The following KIF3C variants were observed in gnomAD, a reference collection of about 807,000 sequenced individuals.
KIF3C encodes the protein kinesin family member 3C.
KIF3C carries 12 observed loss-of-function variants against 67.7 expected under a neutral mutation model. The ratio of observed to expected loss-of-function variants is 0.18; its 90% CI spans 0.11 to 0.29. KIF3C has a LOEUF of 0.29. Among genes scored for constraint, KIF3C ranks in the 10% least tolerant of loss-of-function variants. The pLI, the probability that KIF3C is intolerant of heterozygous loss-of-function variation, is 1.00. For missense variants in KIF3C, 789 were observed against 1,059.6 expected, an observed-to-expected ratio of 0.74 and a Z score of 3.55; for synonymous variants, 393 against 426.2, an observed-to-expected ratio of 0.92 and a Z score of 0.96.
rs1291051153 is a variant in KIF3C at position 25,958,578 on chromosome 2, C to T, written c.1546-2134G>A. ...CCTGGGTGCCAGAGTGAGACTTCAT[C>T]ACAAAAAACAAAAAACAAAAAACAG... On this transcript the variant is annotated intron_variant, in intron 1 of 7. Transcript: ENST00000264712. This position sits in a 1 kb window ranked among gnomAD's most constrained non-coding sequence, Gnocchi z 4.5. Among the ~76,000 whole-genome samples the T allele has an allele frequency of 1.3e-5, 2 of 151,328 alleles. No homozygotes were observed. Among genetic ancestry groups the T allele is most frequent in the Non-Finnish European group, 3.0e-5 (2 of 67,784 alleles).
chr2:25,954,321 A>T lies in KIF3C; in HGVS notation c.1835T>A (p.Val612Glu). 3 of 1,614,020 alleles carry T rather than the reference A, an allele frequency of 1.9e-6. No homozygotes were observed. Among genetic ancestry groups the T allele is most frequent in the Non-Finnish European group, 2.5e-6 (3 of 1,180,004 alleles). ...CTGCGCCTCCTCCAGGTCCTGCCGC[A>T]CGCGGATATACTCATCATGCTGGTC... ...IQDQHDEYIR[V>E]RQDLEEAQNE... Residue 612 changes from valine (V) to glutamate (E), a missense_variant, in exon 4 of 8, where the codon GTG becomes GAG. Val to Glu is a moderately radical substitution (Grantham distance 121, BLOSUM62 -2). This residue lies in a region of KIF3C where 648 missense variants were observed against 807.8 expected (regional missense o/e 0.80). Transcript: ENST00000264712.
chr2:25,962,751 T>C (rs1212904488), intron 1 of KIF3C, among the ~76,000 whole-genome samples: 1 of 113,628 alleles, frequency 8.8e-6, no homozygotes, highest in Non-Finnish European at 1.7e-5. Context: ...AATATATATA[T>C]AATATAATAT....
At position 25,980,924 on chromosome 2, in the gene KIF3C, C is replaced by A; in HGVS notation, c.994G>T (p.Gly332Trp). The A allele has an allele frequency of 6.2e-7, 1 of 1,614,212 alleles. No homozygotes were observed. Among genetic ancestry groups the A allele is most frequent in the Non-Finnish European group, 8.5e-7 (1 of 1,180,036 alleles). ...GCTACCATGATGGTCTTGGCATTCC[C>A]CCCCAGGGAGTCCTGGAGCAGCCGG... ...LTRLLQDSLGGNAKTIMVATL... is the reference protein window; with the variant it reads ...LTRLLQDSLGWNAKTIMVATL... The change falls in exon 1 of 8, where the codon GGG becomes TGG. Residue 332 changes from glycine (G) to tryptophan (W), a missense_variant. Transcript: ENST00000264712. The surrounding 1 kb of genome is among the most constrained non-coding windows in gnomAD (Gnocchi z 7.6).
chr2:25,962,873 TATATAAAATATATATA>T (rs58758641), intron 1 of KIF3C, among the ~76,000 whole-genome samples: 932 of 67,686 alleles, frequency 0.014, 50 homozygotes, highest in Non-Finnish European at 0.018. Flanking sequence ...ATATATATAA[TATATAAAATATATATA>T]ATATAAAATA....
intron 5 of KIF3C, among the ~76,000 whole-genome samples, chr2:25,944,931 G>C (rs1663390297): frequency 6.6e-6 from 1 of 152,024 alleles, no homozygotes; most frequent in Non-Finnish European, 1.5e-5. Flanking sequence ...AGGAGTTCAA[G>C]ATCAGCCTGG....
intron 1 of KIF3C, among the ~76,000 whole-genome samples, chr2:25,963,850 A>C (rs563906625): frequency 1.3e-5 from 2 of 151,624 alleles, no homozygotes; most frequent in South Asian, 4.2e-4. Context: ...GTACCACCAC[A>C]CCTGGCTAAT....
In KIF3C at chr2:25,955,714, G is replaced by A. The variant is rs1258053880; in HGVS notation, c.1648-51C>T. 3.1e-6 allele frequency: 5 copies of A among 1,603,636 alleles called. No homozygotes were observed. The highest frequency in any genetic ancestry group is 2.2e-5 in the South Asian group (2 of 90,178). The stretch of plus-strand genomic sequence containing the variant: ...TCAAAGGAGCAGTGCATACTCGGGA[G>A]GGCCAGGAAAGCTCAGGGGACTGGC... On this transcript the variant is annotated intron_variant, in intron 2 of 7. Transcript: ENST00000264712. This position sits in a 1 kb window ranked among gnomAD's most constrained non-coding sequence, Gnocchi z 5.0.
intron 1 of KIF3C, among the ~76,000 whole-genome samples, chr2:25,963,185 T>TATAC (rs1664046850): frequency 2.0e-5 from 1 of 51,098 alleles, no homozygotes; most frequent in Non-Finnish European, 3.0e-5. Context: ...TATATATATA[T>TATAC]ATATATATAT....
At position 25,929,022 on chromosome 2, in the gene KIF3C, C is replaced by T. The variant is rs1338901624; in HGVS notation, c.2338G>A (p.Ala780Thr). The change falls in exon 8 of 8, where the codon GCC becomes ACC. Residue 780 changes from alanine to threonine, a missense_variant. Coordinates refer to ENST00000264712, the MANE Select transcript of KIF3C (RefSeq NM_002254.8). Reference protein sequence around the residue: ...PPPSTTHASLASASLRPATVA... With the variant: ...PPPSTTHASLTSASLRPATVA... Reference sequence around the variant, plus strand: ...GTTGCAGGGCGCAGAGAAGCAGAGGCCAGGGAGGCATGTGTGGTGGAAGGT... The same window carrying T: ...GTTGCAGGGCGCAGAGAAGCAGAGGTCAGGGAGGCATGTGTGGTGGAAGGT... 9 of 1,613,674 alleles carry T rather than the reference C, an allele frequency of 5.6e-6. No homozygotes were observed. The highest frequency in any genetic ancestry group is 7.6e-6 in the Non-Finnish European group (9 of 1,179,966).
intron 5 of KIF3C, chr2:25,938,330 C>T (rs1663194083): frequency 2.3e-6 from 1 of 426,602 alleles, no homozygotes; most frequent in Non-Finnish European, 4.6e-6. Context: ...TGCATTTCAG[C>T]CTGGGCGACA....
intron 1 of KIF3C, among the ~76,000 whole-genome samples, chr2:25,966,642 A>C (rs1310302152): frequency 6.6e-6 from 1 of 152,206 alleles, no homozygotes; most frequent in East Asian, 1.9e-4. Flanking sequence ...GTACTCATAA[A>C]GCACTGACGT....
rs1182257616 is a variant in KIF3C at position 25,962,932 on chromosome 2, C to CATATAAT, written c.1546-6495_1546-6489dup. Among the ~76,000 whole-genome samples, 80 of 36,562 alleles carry CATATAAT rather than the reference C, an allele frequency of 2.2e-3. 5 individuals carry two copies. The South Asian group carries it at 0.024, about 11-fold the overall frequency. 24.0% of individuals were successfully genotyped at this position (36,562 alleles called of 152,430 possible). Reference sequence around the variant, plus strand: ...TATATAATATATATAATATATAATACATATAATATATAATATATAATATAT... The same window carrying CATATAAT: ...TATATAATATATATAATATATAATACATATAATATATAATATATAATATATAATATAT... On this transcript the variant is annotated intron_variant, in intron 1 of 7. Transcript: ENST00000264712.
chr2:25,954,479 T>C, intron 3 of KIF3C, 94 bp from the exon 4 acceptor site: 1 of 890,048 alleles, frequency 1.1e-6, no homozygotes, highest in Admixed American at 2.1e-5. Flanking sequence ...GCTCAGAGTC[T>C]ACCGACTCAG....
Position 25,950,601 on chromosome 2 carries a change from G to A in KIF3C, c.2006+1188C>T, listed in dbSNP as rs183195083. On this transcript the variant is annotated intron_variant, in intron 5 of 7. Transcript: ENST00000264712. ...TCCAACTCCAGCAAATGTCATTGGA[G>A]CAGTGGTTTTCTAGCCTGGCTTCAA... Among the ~76,000 whole-genome samples the A allele has an allele frequency of 5.1e-3, 781 of 152,234 alleles. 4 individuals are homozygous for A. The highest frequency in any genetic ancestry group is 0.017 in the African/African-American group (720 of 41,528).
At chr2:25,972,819 G>T (rs1326836962) in intron 1 of KIF3C, among the ~76,000 whole-genome samples, 2 of 152,050 alleles carry the variant, frequency 1.3e-5, no homozygotes, top group Non-Finnish European at 2.9e-5. Context: ...GTCGTCCACA[G>T]CTTTACCCAC....
intron 1 of KIF3C, among the ~76,000 whole-genome samples, chr2:25,962,960 T>TATATAATATATAATATATATA (rs1664018686): frequency 3.1e-5 from 1 of 31,998 alleles, no homozygotes; most frequent in African/African-American, 2.4e-4. Flanking sequence ...TAATATATAA[T>TATATAATATATAATATATATA]ATATATAATA....
chr2:25,950,038 A>G (rs1663554151), intron 5 of KIF3C, among the ~76,000 whole-genome samples: 1 of 150,466 alleles, frequency 6.6e-6, no homozygotes, highest in South Asian at 2.1e-4. Flanking sequence ...CTGCAGGTGC[A>G]TGCCACCACA....
chr2:25,975,535 T>A (rs1028653757), intron 1 of KIF3C, among the ~76,000 whole-genome samples: 5 of 152,204 alleles, frequency 3.3e-5, no homozygotes, highest in Admixed American at 3.3e-4. Context: ...TATTCCTAAT[T>A]TTTTAAGCCT....
intron 5 of KIF3C, among the ~76,000 whole-genome samples, chr2:25,948,132 G>A (rs891621682): frequency 1.3e-5 from 2 of 152,140 alleles, no homozygotes; most frequent in Admixed American, 6.5e-5. Context: ...CTGAGTGGGA[G>A]GATCACTTGA....
Sources: gnomAD v4.1 joint callset for allele counts (sites outside exome capture counted in the v4.1 genomes callset) on GRCh38, gnomAD v4.1.1 for gene constraint, gnomAD v4.1.1 regional missense constraint, Gnocchi (gnomAD v3.1) non-coding constraint, MANE v1.5 for transcripts, NCBI Gene and HGNC (gene_info 2026-07-23, HGNC 2026-07-21) for gene names.